The following GRIN2D variants were observed in gnomAD, a reference collection of about 807,000 sequenced individuals.
GRIN2D encodes the protein glutamate ionotropic receptor NMDA type subunit 2D, also known as glutamate receptor ionotropic, NMDA 2D.
Under a neutral mutation model 103.2 loss-of-function variants are expected in GRIN2D, and 37 were observed. The ratio of observed to expected loss-of-function variants is 0.36; its 90% CI spans 0.28 to 0.47. GRIN2D has a LOEUF of 0.47. Ranked by LOEUF, GRIN2D falls within the 20% of genes least tolerant of loss-of-function variation. The pLI, the probability that GRIN2D is intolerant of heterozygous loss-of-function variation, is 1.00. For synonymous variants in GRIN2D, 845 were observed against 885.6 expected (o/e 0.95, Z 0.81); for missense variants, 1,557 against 1,910.6 (o/e 0.81, Z 3.45).
At position 48,419,511 on chromosome 19, in the gene GRIN2D, C is replaced by G. The variant is rs950043936; in HGVS notation, c.1862-74C>G. On this transcript the variant is annotated intron_variant, in intron 9 of 13. Transcript: ENST00000263269. ...TTGAGGGCCACTGGGAATTGTAGTT[C>G]TTTCTTTTTTTTTTTTTCCCTTCCT... 21 of 1,330,116 alleles carry G rather than the reference C, an allele frequency of 1.6e-5. No individual in the cohort carries two copies. The South Asian group carries it at 2.7e-4, about 17-fold the overall frequency. 82.4% of individuals were successfully genotyped at this position (1,330,116 alleles called of 1,614,324 possible). A position where few individuals can be genotyped will look rare whatever the true frequency, so the allele number is the denominator to read the frequency against.
rs1970919224 is a variant in GRIN2D, at chr19:48,414,630, C to T, written c.1412+46C>T. The T allele has an allele frequency of 6.6e-7, 1 of 1,516,188 alleles. No homozygotes were observed. The highest frequency in any genetic ancestry group is 8.9e-7 in the Non-Finnish European group (1 of 1,117,458). The allele number at this position is 1,516,188 out of a possible 1,614,324, so 93.9% of individuals were successfully genotyped here. A position where few individuals can be genotyped will look rare whatever the true frequency, so the allele number is the denominator to read the frequency against. ...AGTTCCGGCTCCAAAACCCGCCTCC[C>T]GTGAAGCCCAGTAGTCTGGGCCCCC... On this transcript the variant is annotated intron_variant, in intron 6 of 13. Transcript: ENST00000263269. The surrounding 1 kb of genome is among the most constrained non-coding windows in gnomAD (Gnocchi z 4.6).
chr19:48,398,342 C>G, intron 2 of GRIN2D, 25 bp from the exon 3 acceptor site: 1 of 1,007,568 alleles, frequency 9.9e-7, no homozygotes, highest in Non-Finnish European at 1.2e-6. Flanking sequence ...CTCTCCTCCC[C>G]GTCTCTCCCG....
intron 10 of GRIN2D, among the ~76,000 whole-genome samples, chr19:48,420,512 A>T (rs561689198): frequency 6.6e-6 from 1 of 151,680 alleles, no homozygotes; most frequent in African/African-American, 2.4e-5. Context: ...GTAAAATAAG[A>T]TCTAAAACCA....
intron 3 of GRIN2D, among the ~76,000 whole-genome samples, chr19:48,399,554 T>C (rs1193474661): frequency 2.6e-5 from 4 of 151,936 alleles, no homozygotes; most frequent in African/African-American, 9.7e-5. Flanking sequence ...GGCGACACAG[T>C]GAGACTCTGT....
rs1465166607 is a variant in GRIN2D, at chr19:48,405,115, G to A, written c.847G>A (p.Gly283Arg). 2 of 1,581,302 alleles carry A rather than the reference G, an allele frequency of 1.3e-6. No homozygotes were observed. Among genetic ancestry groups the A allele is most frequent in the Non-Finnish European group, 1.7e-6 (2 of 1,164,198 alleles). Residue 283 changes from glycine (G) to arginine (R), a missense_variant, in exon 4 of 14, where the codon GGG becomes AGG. This residue lies in a region of GRIN2D where 490 missense variants were observed against 601.1 expected (regional missense o/e 0.82). Transcript: ENST00000263269. The surrounding 1 kb of genome is among the most constrained non-coding windows in gnomAD (Gnocchi z 5.1). ...GGTGGGGCCCCAGCTGGCTGGAGGC[G>A]GGGGCTCTGGGGCCCCTGGTGAGCC... Reference protein sequence around the residue: ...FMVGPQLAGGGGSGAPGEPPL... With the variant: ...FMVGPQLAGGRGSGAPGEPPL...
At chr19:48,437,247 A>G (rs1205876323) in intron 11 of GRIN2D, among the ~76,000 whole-genome samples, 1 of 152,048 alleles carries the variant, frequency 6.6e-6, no homozygotes, top group Non-Finnish European at 1.5e-5. Flanking sequence ...CAGCCTCCCA[A>G]GTAGCTGAGA....
chr19:48,402,166 A>AAGAAAGAAAGAAAGAGAG (rs748167336), intron 3 of GRIN2D, among the ~76,000 whole-genome samples: 2 of 80,032 alleles, frequency 2.5e-5, no homozygotes, highest in Admixed American at 1.5e-4. Context: ...GAAAGAAAGA[A>AAGAAAGAAAGAAAGAGAG]AGAGAGAAAA....
chr19:48,441,362 C>CAAAAAAAAA (rs1173219939), intron 11 of GRIN2D, among the ~76,000 whole-genome samples: 2 of 127,328 alleles, frequency 1.6e-5, no homozygotes, highest in African/African-American at 6.6e-5. Flanking sequence ...GACTCTGTCT[C>CAAAAAAAAA]AAAAAAAAAA....
At chr19:48,423,675 G>T (rs560555036) in intron 11 of GRIN2D, among the ~76,000 whole-genome samples, 1 of 152,314 alleles carries the variant, frequency 6.6e-6, no homozygotes, top group East Asian at 1.9e-4. Flanking sequence ...CAGTGTGGTT[G>T]AAGGGCAAGG....
chr19:48,405,192 C>T lies in GRIN2D; in HGVS notation c.924C>T (p.Arg308=), dbSNP rs1157452067. ...APLPAGLFAV[R]SAGWRDDLAR... ...TGCCTGCCGGGCTGTTTGCAGTGCG[C>T]TCGGCTGGCTGGCGGGATGACCTGG... The change falls in exon 4 of 14, where the codon CGC becomes CGT. Residue 308 remains arginine, a synonymous_variant. Transcript: ENST00000263269. This position sits in a 1 kb window ranked among gnomAD's most constrained non-coding sequence, Gnocchi z 5.1. 1 of 1,601,746 alleles carries T rather than the reference C, an allele frequency of 6.2e-7. No individual in the cohort carries two copies. The highest frequency in any genetic ancestry group is 8.5e-7 in the Non-Finnish European group (1 of 1,177,074).
At position 48,405,578 on chromosome 19, in the gene GRIN2D, A is replaced by T. The variant is rs776930197; in HGVS notation, c.1085+225A>T. On this transcript the variant is annotated intron_variant, in intron 4 of 13. Coordinates refer to ENST00000263269, the MANE Select transcript of GRIN2D (RefSeq NM_000836.4). This position sits in a 1 kb window ranked among gnomAD's most constrained non-coding sequence, Gnocchi z 5.1. ...TATTACTATATTTCATGACTCTAAG[A>T]TGCATAATGTTTCACATTTTAATGT... Among the ~76,000 whole-genome samples, 3 of 152,218 alleles carry T rather than the reference A, an allele frequency of 2.0e-5. No individual in the cohort carries two copies. The highest frequency in any genetic ancestry group is 4.4e-5 in the Non-Finnish European group (3 of 68,050).
In GRIN2D at chr19:48,442,258, A is replaced by G. The variant is rs1457906554; in HGVS notation, c.2549A>G (p.Tyr850Cys). ...LDIDNMAGVF[Y>C]MLLVAMGLSL... ...ATCGACAACATGGCGGGCGTCTTCT[A>G]CATGCTCCTGGTGGCCATGGGCCTG... The change falls in exon 13 of 14, where the codon TAC becomes TGC. Residue 850 changes from tyrosine to cysteine, a missense_variant. Transcript: ENST00000263269. This position sits in a 1 kb window ranked among gnomAD's most constrained non-coding sequence, Gnocchi z 7.2. The G allele has an allele frequency of 6.2e-7, 1 of 1,614,000 alleles. No homozygotes were observed. The highest frequency in any genetic ancestry group is 8.5e-7 in the Non-Finnish European group (1 of 1,180,014).
chr19:48,414,575 G>T lies in GRIN2D; in HGVS notation c.1403G>T (p.Arg468Leu), dbSNP rs375977344. The T allele has an allele frequency of 1.3e-6, 2 of 1,551,038 alleles. No homozygotes were observed. The highest frequency in any genetic ancestry group is 1.7e-6 in the Non-Finnish European group (2 of 1,147,760). The change falls in exon 6 of 14, where the codon CGA becomes CTA. Residue 468 changes from arginine to leucine, a missense_variant. By Grantham distance (102) the Arg-to-Leu change is moderately radical (BLOSUM62 -2). Around this residue, in one of 7 missense-constraint regions of GRIN2D, gnomAD observed 197 missense variants for 334.1 expected, o/e 0.59. Transcript: ENST00000263269. This position sits in a 1 kb window ranked among gnomAD's most constrained non-coding sequence, Gnocchi z 4.6. ...GTCCCCTGCCGGAGCCAGCTCAACCGAACCCACAGGTGACAGCTCGGGATC... is the reference window on the plus strand; with the variant it reads ...GTCCCCTGCCGGAGCCAGCTCAACCTAACCCACAGGTGACAGCTCGGGATC... Reference protein sequence around the residue: ...DSVPCRSQLNRTHSPPPDAPR... With the variant: ...DSVPCRSQLNLTHSPPPDAPR...
intron 8 of GRIN2D, among the ~76,000 whole-genome samples, chr19:48,416,847 C>T (rs1481471585): frequency 1.3e-5 from 2 of 151,112 alleles, no homozygotes; most frequent in Non-Finnish European, 2.9e-5. Context: ...CAGGTTTAAG[C>T]GATTCTCCTG....
At chr19:48,397,124 G>GC (rs1970652680) in intron 2 of GRIN2D, among the ~76,000 whole-genome samples, 1 of 148,712 alleles carries the variant, frequency 6.7e-6, no homozygotes, top group Admixed American at 6.6e-5. Context: ...CCACAGCTGT[G>GC]CCCCCCAACC....
In GRIN2D at chr19:48,405,018, A is replaced by G. The variant is rs1242978667; in HGVS notation, c.750A>G (p.Arg250=). ...SAQIRLLFCA[R]EEAEPVFRAA... ...AGATCCGCCTGCTCTTCTGCGCCCG[A>G]GAGGAGGCCGAGCCCGTGTTCCGCG... The change falls in exon 4 of 14, where the codon CGA becomes CGG. Residue 250 remains arginine, a synonymous_variant. Transcript: ENST00000263269. The surrounding 1 kb of genome is among the most constrained non-coding windows in gnomAD (Gnocchi z 5.1). 1.9e-6 allele frequency: 3 copies of G among 1,612,220 alleles called. No homozygotes were observed. The highest frequency in any genetic ancestry group is 2.5e-6 in the Non-Finnish European group (3 of 1,179,414).
intron 4 of GRIN2D, among the ~76,000 whole-genome samples, chr19:48,409,553 G>A (rs558219960): frequency 6.6e-6 from 1 of 151,364 alleles, no homozygotes; most frequent in African/African-American, 2.4e-5. Context: ...TTGGGATTAC[G>A]GGCGTGAGCC....
intron 4 of GRIN2D, among the ~76,000 whole-genome samples, chr19:48,406,093 T>A (rs1200019993): frequency 3.3e-5 from 5 of 152,204 alleles, no homozygotes; most frequent in African/African-American, 1.2e-4. Flanking sequence ...TGGTTGGACG[T>A]CTATTGGAAT....
intron 11 of GRIN2D, among the ~76,000 whole-genome samples, chr19:48,425,449 T>C (rs66614163): frequency 0.22 from 33,955 of 152,062 alleles, 4,011 homozygotes; most frequent in South Asian, 0.33. Flanking sequence ...ACTATGTTGG[T>C]CAGGCTGGTC....
Sources: allele counts gnomAD v4.1 joint callset (sites outside exome capture counted in the v4.1 genomes callset), GRCh38; gene constraint gnomAD v4.1.1; regional missense constraint gnomAD v4.1.1; non-coding constraint Gnocchi (gnomAD v3.1); transcripts MANE v1.5; gene names NCBI Gene and HGNC (gene_info 2026-07-23, HGNC 2026-07-21).